BBS9: variants seen among roughly 807,000 people sequenced by gnomAD.
BBS9 encodes Bardet-Biedl syndrome 9.
BBS9 carries 89 observed loss-of-function variants against 117.7 expected under a neutral mutation model. The observed-to-expected ratio is 0.76, with a 90% CI of 0.64 to 0.90. BBS9 has a LOEUF of 0.90. Ranked by LOEUF, BBS9 falls within the 40% of genes least tolerant of loss-of-function variation. BBS9 has a pLI of 0.00. For missense variants in BBS9, 982 were observed against 1,042.2 expected (o/e 0.94, Z 0.80); for synonymous variants, 379 against 370.9 (o/e 1.02, Z -0.25).
chr7:33,499,788 A>G (rs910757132), intron 19 of BBS9, among the ~76,000 whole-genome samples: 8 of 152,186 alleles, frequency 5.3e-5, no homozygotes, highest in Admixed American at 5.2e-4. Flanking sequence ...TATTGTTTTT[A>G]TAATTAAGTG....
intron 9 of BBS9, among the ~76,000 whole-genome samples, chr7:33,326,385 G>A (rs1184767703): frequency 6.6e-6 from 1 of 152,096 alleles, no homozygotes; most frequent in Non-Finnish European, 1.5e-5. Flanking sequence ...TGAGCAGTGG[G>A]TTCCCCTCTC....
At chr7:33,320,926 A>G (rs1448027968) in intron 9 of BBS9, among the ~76,000 whole-genome samples, 1 of 152,042 alleles carries the variant, frequency 6.6e-6, no homozygotes, top group African/African-American at 2.4e-5. Context: ...AGAGGGGTCT[A>G]GTTTCATTCT....
intron 5 of BBS9, among the ~76,000 whole-genome samples, chr7:33,192,789 A>T (rs566224077): frequency 2.0e-5 from 3 of 152,202 alleles, no homozygotes; most frequent in Non-Finnish European, 4.4e-5. Context: ...TTCCTCATAG[A>T]TGGCACCACC....
chr7:33,136,977 C>T (rs1790579017), intron 1 of BBS9, among the ~76,000 whole-genome samples: 1 of 152,048 alleles, frequency 6.6e-6, no homozygotes, highest in Admixed American at 6.6e-5. Flanking sequence ...TTTTTGATTA[C>T]TAATTCAATT....
At chr7:33,285,816 T>C (rs1160677495) in intron 9 of BBS9, among the ~76,000 whole-genome samples, 3 of 152,094 alleles carry the variant, frequency 2.0e-5, no homozygotes, top group Non-Finnish European at 4.4e-5. Context: ...CATATCTTTA[T>C]TTTTATTTGT....
intron 4 of BBS9, among the ~76,000 whole-genome samples, chr7:33,171,332 T>G (rs949825203): frequency 2.6e-5 from 4 of 151,732 alleles, no homozygotes; most frequent in African/African-American, 7.3e-5. Flanking sequence ...TTGACAAACC[T>G]GAGAAAAACA....
chr7:33,545,193 G>A (rs1380797770), intron 21 of BBS9, among the ~76,000 whole-genome samples: 1 of 152,052 alleles, frequency 6.6e-6, no homozygotes, highest in Non-Finnish European at 1.5e-5. Context: ...TTGTGCCCTC[G>A]CCCAAGTTCT....
At chr7:33,475,923 A>C (rs935750275) in intron 19 of BBS9, among the ~76,000 whole-genome samples, 3 of 152,142 alleles carry the variant, frequency 2.0e-5, no homozygotes, top group African/African-American at 7.2e-5. Context: ...ACCTGCTAAC[A>C]TTTTCTGAGA....
At chr7:33,551,910 TATATA>T (rs1293523936) in intron 21 of BBS9, among the ~76,000 whole-genome samples, 4 of 152,122 alleles carry the variant, frequency 2.6e-5, no homozygotes, top group African/African-American at 4.8e-5. Flanking sequence ...TATGTTTGGC[TATATA>T]ATATAATATT....
intron 19 of BBS9, among the ~76,000 whole-genome samples, chr7:33,495,967 A>G (rs1414191822): frequency 6.6e-6 from 1 of 152,140 alleles, no homozygotes; most frequent in African/African-American, 2.4e-5. Flanking sequence ...GTTTTATGTG[A>G]ATTCTCAAGG....
At position 33,407,612 on chromosome 7, in the gene BBS9, C is replaced by G. The variant is rs538512774; in HGVS notation, c.2115+19468C>G. On this transcript the variant is annotated intron_variant, in intron 19 of 22. Coordinates refer to ENST00000242067, the MANE Select transcript of BBS9 (RefSeq NM_198428.3). Reference sequence around the variant, plus strand: ...GATGGTGATGTACAGATGGGTTTTTCGTGTGGATGTCCTTTCTGTTTGTTT... The same window carrying G: ...GATGGTGATGTACAGATGGGTTTTTGGTGTGGATGTCCTTTCTGTTTGTTT... 4.5e-3 allele frequency among the ~76,000 whole-genome samples: 678 copies of G among 152,078 alleles called. 1 individual carries two copies. The highest frequency in any genetic ancestry group is 7.9e-3 in the Non-Finnish European group (538 of 67,986).
intron 9 of BBS9, among the ~76,000 whole-genome samples, chr7:33,335,999 C>G (rs1290122380): frequency 1.3e-5 from 2 of 152,108 alleles, no homozygotes; most frequent in Non-Finnish European, 2.9e-5. Context: ...CCTGGGTTGT[C>G]CTGTCTTCAC....
intron 17 of BBS9, among the ~76,000 whole-genome samples, chr7:33,373,703 C>G (rs1165291144): frequency 1.3e-5 from 2 of 152,150 alleles, no homozygotes; most frequent in Non-Finnish European, 2.9e-5. Flanking sequence ...GTAACTAATA[C>G]ATCGGATGTT....
In BBS9 at chr7:33,273,851, T is replaced by C; in HGVS notation, c.911T>C (p.Leu304Ser). ...GTTTCTGAAGGAACAATAAATACTTTGATTGGAAATCATAATAACATGCTG... is the reference window on the plus strand; with the variant it reads ...GTTTCTGAAGGAACAATAAATACTTCGATTGGAAATCATAATAACATGCTG... ...CSVSEGTINT[L>S]IGNHNNMLHI... is the part of the protein sequence containing the mutation. Residue 304 changes from leucine to serine, a missense_variant, in exon 9 of 23, where the codon TTG becomes TCG. Transcript: ENST00000242067. 3 of 1,610,778 alleles carry C rather than the reference T, an allele frequency of 1.9e-6. No individual in the cohort carries two copies. Among genetic ancestry groups the C allele is most frequent in the Non-Finnish European group, 2.5e-6 (3 of 1,177,212 alleles).
At chr7:33,154,166 A>G (rs1280378583) in intron 3 of BBS9, among the ~76,000 whole-genome samples, 1 of 152,226 alleles carries the variant, frequency 6.6e-6, no homozygotes, top group Non-Finnish European at 1.5e-5. Context: ...CAAAATTTCC[A>G]AAGGTGATAC....
chr7:33,503,129 C>T (rs932751696), intron 19 of BBS9, among the ~76,000 whole-genome samples: 4 of 152,176 alleles, frequency 2.6e-5, no homozygotes, highest in African/African-American at 9.7e-5. Flanking sequence ...CATGACTCCT[C>T]TGCGCATGTG....
chr7:33,513,978 C>T (rs941664346), intron 20 of BBS9, among the ~76,000 whole-genome samples: 3 of 152,166 alleles, frequency 2.0e-5, no homozygotes, highest in African/African-American at 7.2e-5. Context: ...AGTCATCTAA[C>T]TTAATGCACT....
intron 21 of BBS9, among the ~76,000 whole-genome samples, chr7:33,632,362 G>A (rs1000281754): frequency 1.3e-5 from 2 of 152,198 alleles, no homozygotes; most frequent in Non-Finnish European, 1.5e-5. Context: ...CAAAATCATG[G>A]TGTGAATGGA....
At chr7:33,177,634 A>G (rs746809700) in intron 5 of BBS9, 43 bp downstream of exon 5, 1 of 1,307,260 alleles carries the variant, frequency 7.6e-7, no homozygotes, top group Non-Finnish European at 1.1e-6. Flanking sequence ...CAAGTGACAG[A>G]TTTAGAATAT....
Sources: allele counts gnomAD v4.1 joint callset (sites outside exome capture counted in the v4.1 genomes callset), GRCh38; gene constraint gnomAD v4.1.1; transcripts MANE v1.5; gene names NCBI Gene and HGNC (gene_info 2026-07-23, HGNC 2026-07-21).